The following ANKAR variants were observed in gnomAD, a reference collection of about 807,000 sequenced individuals.
ANKAR encodes ankyrin and armadillo repeat containing.
ANKAR carries 136 observed loss-of-function variants against 146.2 expected under a neutral mutation model. That is an observed-to-expected ratio of 0.93 (90% CI 0.81 to 1.07). The LOEUF is 1.07. Among genes scored for constraint, ANKAR ranks in the 50% least tolerant of loss-of-function variants. The probability of loss-of-function intolerance (pLI) is 0.00; values close to 1 mark genes in which losing one functional copy is unlikely to be tolerated. For synonymous variants in ANKAR, 500 were observed against 575.8 expected, an observed-to-expected ratio of 0.87 and a Z score of 1.88; for missense variants, 1,567 against 1,679.9, an observed-to-expected ratio of 0.93 and a Z score of 1.18.
Position 189,733,193 on chromosome 2 carries a change from T to C in ANKAR, c.3387T>C (p.Tyr1129=). 6.2e-7 allele frequency: 1 copy of C among 1,611,992 alleles called. No homozygotes were observed. The highest frequency in any genetic ancestry group is 8.5e-7 in the Non-Finnish European group (1 of 1,178,884). ...KDLHENEGFE[Y]ADVLYLLHST... The stretch of plus-strand genomic sequence containing the variant: ...TACATGAAAATGAAGGATTTGAATA[T>C]GCTGATGTCCTTTATCTTCTTCACT... The change falls in exon 17 of 23, where the codon TAT becomes TAC. Residue 1129 remains tyrosine, a synonymous_variant. Coordinates refer to ENST00000684021, the MANE Select transcript of ANKAR (RefSeq NM_001378068.1).
At chr2:189,704,147 A>T (rs933245317) in intron 7 of ANKAR, among the ~76,000 whole-genome samples, 6 of 147,516 alleles carry the variant, frequency 4.1e-5, no homozygotes, top group Admixed American at 6.7e-5. Flanking sequence ...ATTATTGGGA[A>T]TTTTTTTTTT....
intron 4 of ANKAR, 27 bp from the exon 5 acceptor site, chr2:189,693,046 GT>G (rs2036662428): frequency 8.7e-7 from 1 of 1,151,570 alleles, no homozygotes; most frequent in Non-Finnish European, 1.3e-6. Flanking sequence ...CTAAGGATAT[GT>G]CTTTAGTAAC....
chr2:189,681,618 T>C (rs1438748953), intron 2 of ANKAR, among the ~76,000 whole-genome samples: 1 of 152,180 alleles, frequency 6.6e-6, no homozygotes, highest in South Asian at 2.1e-4. Context: ...CAGCACAGTA[T>C]TGGCACTGAG....
At chr2:189,693,013 T>A (rs968909745) in intron 4 of ANKAR, 61 bp from the exon 5 acceptor site, 2 of 890,220 alleles carry the variant, frequency 2.2e-6, no homozygotes, top group African/African-American at 3.5e-5. Context: ...ATACAAAGAA[T>A]TCTTATAATT....
intron 9 of ANKAR, among the ~76,000 whole-genome samples, chr2:189,709,172 C>T (rs1020205548): frequency 6.6e-6 from 1 of 152,004 alleles, no homozygotes; most frequent in African/African-American, 2.4e-5. Context: ...TAGTACATTA[C>T]AGTGCTCAGC....
chr2:189,753,008 T>C (rs1425519311), intron 18 of ANKAR: 2 of 1,579,146 alleles, frequency 1.3e-6, no homozygotes, highest in South Asian at 1.2e-5. Flanking sequence ...CCAAAATAAC[T>C]ATCATATATG....
intron 18 of ANKAR, chr2:189,752,878 T>C (rs181287714): frequency 5.4e-5 from 87 of 1,613,914 alleles, no homozygotes; most frequent in Admixed American, 6.7e-5. Flanking sequence ...TATCAGTGCA[T>C]AGTCTGGGAG....
intron 1 of ANKAR, chr2:189,675,874 A>G (rs957478825): frequency 1.3e-5 from 2 of 152,330 alleles, no homozygotes; most frequent in Admixed American, 6.5e-5. Context: ...TGAGCTCATG[A>G]AAGATCTGGT....
intron 7 of ANKAR, among the ~76,000 whole-genome samples, chr2:189,696,788 A>T (rs1425810670): frequency 6.6e-6 from 1 of 152,226 alleles, no homozygotes; most frequent in East Asian, 1.9e-4. Context: ...AATTCAGAGA[A>T]CAGCAATAGA....
chr2:189,761,616 C>T, downstream of ANKAR: 3 of 1,604,712 alleles, frequency 1.9e-6, no homozygotes, highest in Admixed American at 3.4e-5. Flanking sequence ...AAAAAAACTC[C>T]TGCAGTCTTA....
intron 6 of ANKAR, 83 bp downstream of exon 6, chr2:189,695,244 A>T (rs2037030766): frequency 8.6e-7 from 1 of 1,162,198 alleles, no homozygotes; most frequent in Non-Finnish European, 1.2e-6. Flanking sequence ...TGTTTATCCT[A>T]GGGATAATAA....
chr2:189,761,782 C>T, downstream of ANKAR: 1 of 955,414 alleles, frequency 1.0e-6, no homozygotes, highest in Non-Finnish European at 1.5e-6. Context: ...TTTGTAAAGG[C>T]TATAGCAACA....
chr2:189,740,803 C>T (rs1389715900), intron 19 of ANKAR, among the ~76,000 whole-genome samples: 1 of 152,050 alleles, frequency 6.6e-6, no homozygotes, highest in Non-Finnish European at 1.5e-5. Context: ...AAGCGATTCT[C>T]CTGCCTCAGC....
intron 18 of ANKAR, chr2:189,755,004 TA>T: frequency 4.1e-6 from 3 of 724,730 alleles, no homozygotes; most frequent in Non-Finnish European, 6.5e-6. Context: ...CTAAGAATTA[TA>T]AAATTGTGTA....
At chr2:189,758,023 A>C (rs1373701792) in intron 18 of ANKAR, among the ~76,000 whole-genome samples, 1 of 152,146 alleles carries the variant, frequency 6.6e-6, no homozygotes, top group East Asian at 1.9e-4. Context: ...TGACTACATC[A>C]TGGGGGCGTA....
At chr2:189,680,228 C>T (rs1346202287) in intron 2 of ANKAR, among the ~76,000 whole-genome samples, 1 of 152,100 alleles carries the variant, frequency 6.6e-6, no homozygotes, top group Non-Finnish European at 1.5e-5. Context: ...AGTTTGTGCA[C>T]ATAAAGGTGT....
intron 16 of ANKAR, among the ~76,000 whole-genome samples, chr2:189,731,718 T>C (rs2042419504): frequency 1.3e-5 from 2 of 152,070 alleles, no homozygotes; most frequent in African/African-American, 4.8e-5. Flanking sequence ...TTTTAAATAT[T>C]GAGATGGGGT....
downstream of ANKAR, among the ~76,000 whole-genome samples, chr2:189,748,347 G>C (rs1382465384): frequency 6.6e-6 from 1 of 152,152 alleles, no homozygotes; most frequent in Admixed American, 6.6e-5. Flanking sequence ...AGGGCTACAG[G>C]TTCTCAGTCT....
At chr2:189,731,931 G>C (rs2042439126) in intron 16 of ANKAR, among the ~76,000 whole-genome samples, 1 of 151,932 alleles carries the variant, frequency 6.6e-6, no homozygotes, top group South Asian at 2.1e-4. Context: ...CGAATGCCTG[G>C]GCTCAAGAGA....
Sources: allele counts gnomAD v4.1 joint callset (sites outside exome capture counted in the v4.1 genomes callset), GRCh38; gene constraint gnomAD v4.1.1; transcripts MANE v1.5; gene names NCBI Gene and HGNC (gene_info 2026-07-23, HGNC 2026-07-21).